MEGF11: variants seen among roughly 807,000 people sequenced by gnomAD.
MEGF11 encodes the protein multiple EGF like domains 11, also known as multiple epidermal growth factor-like domains protein 11.
In MEGF11, 126 loss-of-function variants were observed where a neutral mutation model predicts 146.6. The ratio of observed to expected loss-of-function variants is 0.86; its 90% CI spans 0.74 to 1.00. The LOEUF is 1.00. Among genes scored for constraint, MEGF11 ranks in the 50% least tolerant of loss-of-function variants. The pLI is 0.00. For missense variants in MEGF11, 1,509 were observed against 1,521.2 expected (o/e 0.99, Z 0.13); for synonymous variants, 532 against 583.4 (o/e 0.91, Z 1.27).
chr15:66,054,138 T>C (rs1049365847), intron 5 of MEGF11, among the ~76,000 whole-genome samples: 11 of 152,136 alleles, frequency 7.2e-5, no homozygotes, highest in African/African-American at 2.7e-4. Context: ...CTCAGTTCCC[T>C]GAAGCCTTCC....
chr15:65,928,509 T>A lies in MEGF11; in HGVS notation c.1591A>T (p.Asn531Tyr). 1 of 1,603,654 alleles carries A rather than the reference T, an allele frequency of 6.2e-7. No individual in the cohort carries two copies. ...LPCPDGTFGLNCSEHCDCSHA... is the reference protein window; with the variant it reads ...LPCPDGTFGLYCSEHCDCSHA... ...CTGCAGTCACAGTGTTCACTGCAGT[T>A]CAGCCCAAATGTGCCATCCTGTGGA... The change falls in exon 13 of 26, where the codon AAC becomes TAC. Residue 531 changes from asparagine (N) to tyrosine (Y), a missense_variant. Physicochemically the swap from Asn to Tyr is moderately radical, Grantham distance 143. Coordinates refer to ENST00000395614, the MANE Select transcript of MEGF11 (RefSeq NM_001385028.1).
chr15:66,103,001 C>T (rs1325222379), intron 4 of MEGF11, among the ~76,000 whole-genome samples: 3 of 152,222 alleles, frequency 2.0e-5, no homozygotes, highest in Non-Finnish European at 2.9e-5. Context: ...AAGTGGAAAG[C>T]ACTGTTATTA....
intron 1 of MEGF11, among the ~76,000 whole-genome samples, chr15:66,240,779 C>T (rs1258505154): frequency 6.6e-6 from 1 of 152,202 alleles, no homozygotes; most frequent in East Asian, 1.9e-4. Context: ...AGATGTCTTG[C>T]ATGGGGTGAC....
At chr15:66,039,620 C>A (rs2083870136) in intron 5 of MEGF11, among the ~76,000 whole-genome samples, 1 of 152,188 alleles carries the variant, frequency 6.6e-6, no homozygotes, top group Admixed American at 6.5e-5. Context: ...TAAGTTTCAA[C>A]CTAGGTCTCG....
At position 66,157,933 on chromosome 15, in the gene MEGF11, T is replaced by C. The variant is rs1401230569; in HGVS notation, c.-8-29522A>G. Among the ~76,000 whole-genome samples the C allele has an allele frequency of 3.9e-5, 6 of 152,336 alleles. No homozygotes were observed. The East Asian group carries it at 1.2e-3, about 29-fold the overall frequency. On this transcript the variant is annotated intron_variant, in intron 1 of 25. Transcript: ENST00000395614. The stretch of plus-strand genomic sequence containing the variant: ...AAGGTTGAATATACGTGCCAACCTC[T>C]GAGGTGGTAATAGGAACACAGGCAC...
At chr15:66,228,730 T>C (rs1374907125) in intron 1 of MEGF11, among the ~76,000 whole-genome samples, 1 of 152,186 alleles carries the variant, frequency 6.6e-6, no homozygotes, top group Non-Finnish European at 1.5e-5. Flanking sequence ...CCAGAGCTTC[T>C]CTCCATGCTT....
intron 7 of MEGF11, among the ~76,000 whole-genome samples, chr15:65,980,154 T>C (rs1318320279): frequency 2.0e-5 from 3 of 152,214 alleles, no homozygotes; most frequent in Non-Finnish European, 2.9e-5. Context: ...CCAGGGCCTG[T>C]GGCAGCTCAT....
In MEGF11 at chr15:66,209,211, G is replaced by A. The variant is rs577775118; in HGVS notation, c.-9+44394C>T. Among the ~76,000 whole-genome samples, 7 of 152,210 alleles carry A rather than the reference G, an allele frequency of 4.6e-5. No individual in the cohort carries two copies. The East Asian group carries it at 5.8e-4, about 13-fold the overall frequency. ...TAAAAATACAAAAAATTAGCCGGGC[G>A]TGGTGGCGGGCGCCTGCAGTCCCAG... On this transcript the variant is annotated intron_variant, in intron 1 of 25. Coordinates refer to ENST00000395614, the MANE Select transcript of MEGF11 (RefSeq NM_001385028.1).
intron 1 of MEGF11, among the ~76,000 whole-genome samples, chr15:66,251,126 A>G (rs971640921): frequency 1.3e-5 from 2 of 152,188 alleles, no homozygotes; most frequent in African/African-American, 4.8e-5. Context: ...GCTCTGAGCA[A>G]CTGGCTCTTC....
At chr15:66,033,510 G>A (rs941580799) in intron 5 of MEGF11, among the ~76,000 whole-genome samples, 4 of 152,238 alleles carry the variant, frequency 2.6e-5, no homozygotes, top group Non-Finnish European at 4.4e-5. Context: ...AAGCCTTGGT[G>A]GCGTCCATGT....
intron 1 of MEGF11, among the ~76,000 whole-genome samples, chr15:66,235,307 G>C (rs1440985068): frequency 6.6e-6 from 1 of 152,058 alleles, no homozygotes; most frequent in East Asian, 1.9e-4. Context: ...TTTGAGACCA[G>C]CCTGGGCAAT....
intron 1 of MEGF11, among the ~76,000 whole-genome samples, chr15:66,187,954 T>C (rs770426454): frequency 9.9e-5 from 15 of 152,220 alleles, no homozygotes; most frequent in Non-Finnish European, 1.6e-4. Flanking sequence ...GTATCTCGTC[T>C]GCAACTATCA....
intron 4 of MEGF11, 118 bp from the exon 5 acceptor site, chr15:66,094,612 G>C: frequency 2.5e-6 from 2 of 790,244 alleles, no homozygotes; most frequent in East Asian, 2.8e-5. Flanking sequence ...TGCTTAGAAC[G>C]CATGACTGGC....
chr15:66,127,036 C>G (rs2088386072), intron 2 of MEGF11, among the ~76,000 whole-genome samples: 1 of 152,190 alleles, frequency 6.6e-6, no homozygotes, highest in African/African-American at 2.4e-5. Flanking sequence ...GCTTATGGCC[C>G]TCAAAGCACT....
chr15:66,098,238 G>A (rs936656468), intron 4 of MEGF11, among the ~76,000 whole-genome samples: 4 of 152,126 alleles, frequency 2.6e-5, no homozygotes, highest in Non-Finnish European at 1.5e-5. Context: ...GTGTGTGTGC[G>A]TCAGACTTGG....
intron 1 of MEGF11, among the ~76,000 whole-genome samples, chr15:66,144,708 G>A (rs755296462): frequency 3.3e-5 from 5 of 152,104 alleles, no homozygotes; most frequent in African/African-American, 1.2e-4. Context: ...AAGTGCCCTG[G>A]GCACCAACCA....
intron 10 of MEGF11, among the ~76,000 whole-genome samples, chr15:65,950,610 C>G (rs145645314): frequency 1.7e-4 from 10 of 59,334 alleles, no homozygotes; most frequent in South Asian, 1.5e-3. Context: ...CACACACACA[C>G]ACACACACAC....
At chr15:66,117,309 G>A (rs1182609532) in intron 4 of MEGF11, among the ~76,000 whole-genome samples, 10 of 152,084 alleles carry the variant, frequency 6.6e-5, no homozygotes, top group Non-Finnish European at 1.2e-4. Context: ...CTTTCATCCT[G>A]AAAGTGGCTT....
chr15:66,221,964 G>A (rs2091749432), intron 1 of MEGF11, among the ~76,000 whole-genome samples: 1 of 152,148 alleles, frequency 6.6e-6, no homozygotes, highest in Non-Finnish European at 1.5e-5. Context: ...TTGTTAAAAA[G>A]TGGATTTATG....
Sources: allele counts gnomAD v4.1 joint callset (sites outside exome capture counted in the v4.1 genomes callset), GRCh38; gene constraint gnomAD v4.1.1; transcripts MANE v1.5; gene names NCBI Gene and HGNC (gene_info 2026-07-23, HGNC 2026-07-21).